The following GPR107 variants were observed in gnomAD, a reference collection of about 807,000 sequenced individuals.
The protein encoded by GPR107 is G protein-coupled receptor 107, also known as protein GPR107.
A neutral mutation model predicts 75.5 loss-of-function variants in GPR107; 31 were observed. That is an observed-to-expected ratio of 0.41 (90% confidence interval 0.31 to 0.55). GPR107 has a LOEUF of 0.55. Among genes scored for constraint, GPR107 ranks in the 20% least tolerant of loss-of-function variants. GPR107 has a pLI of 0.26. For missense variants in GPR107, 572 were observed against 665.7 expected, an observed-to-expected ratio of 0.86 and a Z score of 1.55; for synonymous variants, 267 against 251.3, an observed-to-expected ratio of 1.06 and a Z score of -0.59.
chr9:130,089,043 G>C (rs536090280), intron 7 of GPR107, among the ~76,000 whole-genome samples: 1 of 151,694 alleles, frequency 6.6e-6, no homozygotes, highest in African/African-American at 2.4e-5. Context: ...GGTGGTGGGC[G>C]CCTGTAATCC....
intron 2 of GPR107, 89 bp downstream of exon 2, chr9:130,075,838 G>T (rs7038342): frequency 1.6e-6 from 1 of 638,046 alleles, no homozygotes. Flanking sequence ...GCTGGAGTGC[G>T]GTGGCGCAAT....
intron 3 of GPR107, among the ~76,000 whole-genome samples, chr9:130,076,983 G>A (rs765103875): frequency 6.6e-6 from 1 of 150,898 alleles, no homozygotes; most frequent in Non-Finnish European, 1.5e-5. Context: ...CGCCTCCCTC[G>A]TTCAAGTGAT....
intron 1 of GPR107, among the ~76,000 whole-genome samples, chr9:130,056,502 A>G (rs1044087771): frequency 6.6e-6 from 1 of 152,034 alleles, no homozygotes; most frequent in African/African-American, 2.4e-5. Flanking sequence ...GGGGTGTCCA[A>G]TCTTTTGGCT....
At chr9:130,068,599 C>T (rs143209824) in intron 1 of GPR107, among the ~76,000 whole-genome samples, 75 of 152,192 alleles carry the variant, frequency 4.9e-4, no homozygotes, top group Middle Eastern at 3.4e-3. Context: ...TATCATTACT[C>T]TATTTTTTTT....
At chr9:130,117,671 G>T (rs1301910543) in intron 14 of GPR107, among the ~76,000 whole-genome samples, 3 of 152,204 alleles carry the variant, frequency 2.0e-5, no homozygotes, top group Non-Finnish European at 4.4e-5. Flanking sequence ...CAGCCAGGCT[G>T]TCCATCGTCT....
chr9:130,054,175 C>T (rs1360982872), intron 1 of GPR107, 102 bp downstream of exon 1: 3 of 1,118,062 alleles, frequency 2.7e-6, no homozygotes, highest in East Asian at 5.5e-5. Flanking sequence ...ACTGGACCAC[C>T]TCTTTGCCCC....
chr9:130,090,992 T>A lies in GPR107; in HGVS notation c.729+9T>A. 9.4e-7 allele frequency: 1 copy of A among 1,068,672 alleles called. No homozygotes were observed. The highest frequency in any genetic ancestry group is 1.5e-6 in the Non-Finnish European group (1 of 688,740). 66.2% of individuals were successfully genotyped at this position (1,068,672 alleles called of 1,614,324 possible). ...TTACATTCAGCCTTGATGTGAGTAC[T>A]GTTTGGAGATTGTTCTACGTGGATT... On this transcript the variant is annotated intron_variant, in intron 8 of 17. Transcript: ENST00000347136.
At chr9:130,123,448 C>T (rs1340079116) in intron 14 of GPR107, among the ~76,000 whole-genome samples, 2 of 152,012 alleles carry the variant, frequency 1.3e-5, no homozygotes, top group Admixed American at 6.6e-5. Context: ...ATGATCCACC[C>T]GCCTCGGCCT....
chr9:130,106,051 T>C (rs774519060), intron 13 of GPR107, among the ~76,000 whole-genome samples: 17 of 152,142 alleles, frequency 1.1e-4, no homozygotes, highest in Non-Finnish European at 2.1e-4. Flanking sequence ...TGTCCAGCAT[T>C]GTTTCCAGAT....
At chr9:130,063,192 C>T (rs1386007921) in intron 1 of GPR107, among the ~76,000 whole-genome samples, 2 of 151,448 alleles carry the variant, frequency 1.3e-5, no homozygotes, top group Non-Finnish European at 2.9e-5. Flanking sequence ...AAAAATATAA[C>T]ATGCTTTTTT....
At chr9:130,063,283 C>G (rs1294580194) in intron 1 of GPR107, among the ~76,000 whole-genome samples, 1 of 152,090 alleles carries the variant, frequency 6.6e-6, no homozygotes, top group Non-Finnish European at 1.5e-5. Flanking sequence ...CTCCACTTCC[C>G]GGGTTCATGC....
chr9:130,077,443 G>C (rs1564664467), intron 4 of GPR107, 65 bp downstream of exon 4: 4 of 839,924 alleles, frequency 4.8e-6, no homozygotes, highest in Non-Finnish European at 8.4e-6. Context: ...TTAGTAGTAT[G>C]CTAACATTCC....
chr9:130,107,537 A>G lies in GPR107; in HGVS notation c.1304A>G (p.Lys435Arg), dbSNP rs1431329123. Residue 435 changes from lysine (K) to arginine (R), a missense_variant and splice_region_variant, in exon 14 of 18, where the codon AAA becomes AGA. Physicochemically the swap from Lys to Arg is conservative, Grantham distance 26. Coordinates refer to ENST00000347136, the MANE Select transcript of GPR107 (RefSeq NM_020960.5). ...HLQEASATDG[K>R]AAINLAKLKL... is the part of the protein sequence containing the mutation. The stretch of plus-strand genomic sequence containing the variant: ...CAAGAAGCATCAGCAACAGATGGAA[A>G]AGGCAAGTTCTCTCGTGCTCATTTT... 1 of 1,590,328 alleles carries G rather than the reference A, an allele frequency of 6.3e-7. No homozygotes were observed. Among genetic ancestry groups the G allele is most frequent in the African/African-American group, 1.3e-5 (1 of 74,454 alleles).
In GPR107 at chr9:130,092,397, C is replaced by G; in HGVS notation, c.863+16C>G. ...GAAAACGACGGTAAACTATTTCTCC[C>G]TTCAACTTAAGAGTGTGTTGAGATT... is the stretch of plus-strand genomic sequence containing the variant. On this transcript the variant is annotated intron_variant, in intron 9 of 17. Transcript: ENST00000347136. The G allele has an allele frequency of 1.9e-6, 3 of 1,604,924 alleles. No individual in the cohort carries two copies. The African/African-American group carries it at 4.0e-5, about 21-fold the overall frequency.
rs571181250 is a variant in GPR107 at position 130,112,325 on chromosome 9, C to T, written c.1306+4786C>T. 2.0e-4 allele frequency among the ~76,000 whole-genome samples: 30 copies of T among 152,312 alleles called. No homozygotes were observed. The highest frequency in any genetic ancestry group is 6.7e-4 in the African/African-American group (28 of 41,570). On this transcript the variant is annotated intron_variant, in intron 14 of 17. Coordinates refer to ENST00000347136, the MANE Select transcript of GPR107 (RefSeq NM_020960.5). The surrounding 1 kb of genome is among the most constrained non-coding windows in gnomAD (Gnocchi z 4.0). The stretch of plus-strand genomic sequence containing the variant: ...CCATGCGAGGCATTTGTTAGGGCAG[C>T]GGTTCTCAAGGGGGTCCTCGGGATC...
rs144058746 is a variant in GPR107 at position 130,062,142 on chromosome 9, C to T, written c.141+8069C>T. Among the ~76,000 whole-genome samples the T allele has an allele frequency of 3.2e-3, 478 of 150,900 alleles. 5 individuals carry two copies. The highest frequency in any genetic ancestry group is 0.011 in the African/African-American group (439 of 41,140). On this transcript the variant is annotated intron_variant, in intron 1 of 17. Transcript: ENST00000347136. Reference sequence around the variant, plus strand: ...AAAATAATAGCACTGAGGCTGGGTACGGTGGCTCACACCTGTAATCCCAGC... The same window carrying T: ...AAAATAATAGCACTGAGGCTGGGTATGGTGGCTCACACCTGTAATCCCAGC...
intron 5 of GPR107, among the ~76,000 whole-genome samples, chr9:130,081,874 C>T (rs75354195): frequency 0.022 from 3,378 of 151,792 alleles, 54 homozygotes; most frequent in Middle Eastern, 0.034. Flanking sequence ...CCACCACCAC[C>T]GAAAAACAAC....
At chr9:130,115,666 G>C (rs965072888) in intron 14 of GPR107, among the ~76,000 whole-genome samples, 3 of 108,772 alleles carry the variant, frequency 2.8e-5, no homozygotes, top group African/African-American at 1.1e-4. Context: ...TCGGGAGGCT[G>C]AGGCAGGAGA....
chr9:130,115,735 C>A (rs1831410259), intron 14 of GPR107, among the ~76,000 whole-genome samples: 1 of 145,392 alleles, frequency 6.9e-6, no homozygotes. Flanking sequence ...TGCACTCCAG[C>A]CTGGGCGACA....
Sources: allele counts gnomAD v4.1 joint callset (sites outside exome capture counted in the v4.1 genomes callset), GRCh38; gene constraint gnomAD v4.1.1; non-coding constraint Gnocchi (gnomAD v3.1); transcripts MANE v1.5; gene names NCBI Gene and HGNC (gene_info 2026-07-23, HGNC 2026-07-21).